The following SLC24A4 variants were observed in gnomAD, a reference collection of about 807,000 sequenced individuals.
SLC24A4 encodes solute carrier family 24 member 4.
A neutral mutation model predicts 79.0 loss-of-function variants in SLC24A4; 53 were observed. The ratio of observed to expected loss-of-function variants is 0.67; its 90% CI spans 0.54 to 0.84. The LOEUF (loss-of-function observed/expected upper bound fraction) is 0.84. Ranked by LOEUF, SLC24A4 falls within the 40% of genes least tolerant of loss-of-function variation. SLC24A4 has a pLI of 0.00. For missense variants in SLC24A4, 731 were observed against 822.0 expected (o/e 0.89, Z 1.35); for synonymous variants, 323 against 323.8 (o/e 1.00, Z 0.03).
rs186682717 is a variant in SLC24A4, at chr14:92,441,388, T to A, written c.394-701T>A. ...GGCAGAACAGGCCCCAACCATGAGT[T>A]CCCGTCCTGTCCCGTGCCAGCTTAA... On this transcript the variant is annotated intron_variant, in intron 4 of 16. Coordinates refer to ENST00000532405, the MANE Select transcript of SLC24A4 (RefSeq NM_153646.4). The surrounding 1 kb of genome is among the most constrained non-coding windows in gnomAD (Gnocchi z 4.6). Among the ~76,000 whole-genome samples, 7 of 152,230 alleles carry A rather than the reference T, an allele frequency of 4.6e-5. No homozygotes were observed. In the East Asian group the frequency reaches 1.3e-3, roughly 29 times the overall value.
chr14:92,492,613 C>G (rs1420807679), intron 16 of SLC24A4, among the ~76,000 whole-genome samples: 1 of 152,180 alleles, frequency 6.6e-6, no homozygotes, highest in Non-Finnish European at 1.5e-5. Context: ...CCTCCCTACC[C>G]TACATGTCCA....
At position 92,490,324 on chromosome 14, in the gene SLC24A4, T is replaced by A. The variant is rs985598513; in HGVS notation, c.1538-1341T>A. On this transcript the variant is annotated intron_variant, in intron 14 of 16. Coordinates refer to ENST00000532405, the MANE Select transcript of SLC24A4 (RefSeq NM_153646.4). The surrounding 1 kb of genome is among the most constrained non-coding windows in gnomAD (Gnocchi z 4.3). ...AGATTCCAGCCAGTACGAGTCTTAC[T>A]TACAAAAGTTTGCTTTCTTAATTAT... 6.6e-6 allele frequency among the ~76,000 whole-genome samples: 1 copy of A among 152,068 alleles called. No individual in the cohort carries two copies.
At chr14:92,483,907 G>T in intron 13 of SLC24A4, 3 of 1,280,928 alleles carry the variant, frequency 2.3e-6, no homozygotes, top group Admixed American at 2.3e-5. Flanking sequence ...GCCAGTAAAC[G>T]TTCCATGCTG....
At chr14:92,473,845 G>A (rs1284657421) in intron 12 of SLC24A4, among the ~76,000 whole-genome samples, 1 of 152,166 alleles carries the variant, frequency 6.6e-6, no homozygotes, top group Non-Finnish European at 1.5e-5. Context: ...GACTCAGTCT[G>A]ATTAGAACTA....
intron 2 of SLC24A4, among the ~76,000 whole-genome samples, chr14:92,410,748 C>T (rs2141790127): frequency 6.6e-6 from 1 of 152,286 alleles, no homozygotes; most frequent in Non-Finnish European, 1.5e-5. Flanking sequence ...GGCCAGACCA[C>T]CAGTAAGTGT....
intron 2 of SLC24A4, among the ~76,000 whole-genome samples, chr14:92,414,450 G>T (rs1890876445): frequency 6.6e-6 from 1 of 152,088 alleles, no homozygotes; most frequent in African/African-American, 2.4e-5. Flanking sequence ...GAAATCCCTA[G>T]AAAAAACTGG....
At chr14:92,430,125 A>G (rs1891781521) in intron 2 of SLC24A4, among the ~76,000 whole-genome samples, 1 of 152,164 alleles carries the variant, frequency 6.6e-6, no homozygotes. Flanking sequence ...GGGATTTCCC[A>G]CCTCAATAAC....
chr14:92,340,113 A>G (rs1398061301), intron 2 of SLC24A4, among the ~76,000 whole-genome samples: 1 of 152,240 alleles, frequency 6.6e-6, no homozygotes, highest in East Asian at 1.9e-4. Flanking sequence ...ACCCCTCTAC[A>G]GGATACTAGT....
chr14:92,330,062 GA>G (rs1885379720), intron 2 of SLC24A4, among the ~76,000 whole-genome samples: 1 of 152,144 alleles, frequency 6.6e-6, no homozygotes, highest in African/African-American at 2.4e-5. Flanking sequence ...GGCAATTTCA[GA>G]ATGAAGTCAG....
intron 2 of SLC24A4, among the ~76,000 whole-genome samples, chr14:92,393,936 A>G (rs1889630522): frequency 6.6e-6 from 1 of 151,940 alleles, no homozygotes; most frequent in Admixed American, 6.5e-5. Flanking sequence ...ACTTGAACCC[A>G]GGAGGTGGAG....
rs1285120331 is a variant in SLC24A4 at position 92,323,890 on chromosome 14, G to T, written c.60G>T (p.Pro20=). Reference sequence around the variant, plus strand: ...TTCGCAGGAGGCGAGAGATGCTGCCGCAGCAAGTCGGCTTCGTGTGCGCGG... The same window carrying T: ...TTCGCAGGAGGCGAGAGATGCTGCCTCAGCAAGTCGGCTTCGTGTGCGCGG... ...LKVRRRREML[P]QQVGFVCAVL... is the part of the protein sequence containing the mutation. The change falls in exon 1 of 17, where the codon CCG becomes CCT. Residue 20 remains proline (P), a synonymous_variant. Coordinates refer to ENST00000532405, the MANE Select transcript of SLC24A4 (RefSeq NM_153646.4). The surrounding 1 kb of genome is among the most constrained non-coding windows in gnomAD (Gnocchi z 4.9). 6.2e-7 allele frequency: 1 copy of T among 1,607,362 alleles called. No individual in the cohort carries two copies.
rs1428051142 is a variant in SLC24A4 at position 92,496,488 on chromosome 14, A to G, written c.*2860A>G. ...TCATTGGGGGCAGAAAAGAAAAAAA[A>G]AACCATTGCACTCAGATGGAAAATG... On this transcript the variant is annotated 3_prime_UTR_variant, in exon 17 of 17. Transcript: ENST00000532405. The G allele has an allele frequency of 6.6e-6, 1 of 152,192 alleles. No homozygotes were observed. The highest frequency in any genetic ancestry group is 1.5e-5 in the Non-Finnish European group (1 of 68,028). 9.4% of individuals were successfully genotyped at this position (152,192 alleles called of 1,614,324 possible).
Position 92,442,074 on chromosome 14 carries a change from T to C in SLC24A4, c.394-15T>C, listed in dbSNP as rs373206692. ...CACGTCACACCCTGAGGGTCTGTGGTCACTTCCGTTTCAGAGACTCCATCT... is the reference window on the plus strand; with the variant it reads ...CACGTCACACCCTGAGGGTCTGTGGCCACTTCCGTTTCAGAGACTCCATCT... On this transcript the variant is annotated splice_polypyrimidine_tract_variant and intron_variant, in intron 4 of 16. Transcript: ENST00000532405. 6.2e-7 allele frequency: 1 copy of C among 1,610,654 alleles called. No individual in the cohort carries two copies. The highest frequency in any genetic ancestry group is 1.7e-5 in the Admixed American group (1 of 59,950).
rs1336385646 is a variant in SLC24A4 at position 92,500,982 on chromosome 14, G to A, written c.*7354G>A. On this transcript the variant is annotated 3_prime_UTR_variant, in exon 17 of 17. Coordinates refer to ENST00000532405, the MANE Select transcript of SLC24A4 (RefSeq NM_153646.4). ...GCCCAAGGGGATGCAGGCTGGGTGT[G>A]GTTTCTGAGGGAACCTACCAAATAG... is the stretch of plus-strand genomic sequence containing the variant. 6.6e-6 allele frequency: 1 copy of A among 152,370 alleles called. No homozygotes were observed. Among genetic ancestry groups the A allele is most frequent in the African/African-American group, 2.4e-5 (1 of 41,564 alleles). 9.4% of individuals were successfully genotyped at this position (152,370 alleles called of 1,614,324 possible).
intron 3 of SLC24A4, among the ~76,000 whole-genome samples, chr14:92,437,839 G>C (rs1442642460): frequency 6.6e-6 from 1 of 152,146 alleles, no homozygotes; most frequent in Non-Finnish European, 1.5e-5. Flanking sequence ...TTCCTTCTTG[G>C]CTGTTAGGGT....
chr14:92,372,914 T>C (rs1888257960), intron 2 of SLC24A4, among the ~76,000 whole-genome samples: 1 of 112,320 alleles, frequency 8.9e-6, no homozygotes, highest in African/African-American at 3.4e-5. Context: ...CCTTCCTTCC[T>C]TCCTTTCTTT....
chr14:92,455,183 C>G (rs768824957), intron 11 of SLC24A4, among the ~76,000 whole-genome samples: 1 of 152,202 alleles, frequency 6.6e-6, no homozygotes, highest in Non-Finnish European at 1.5e-5. Context: ...GGAAGGAATT[C>G]TGAGCTTCAA....
intron 4 of SLC24A4, among the ~76,000 whole-genome samples, chr14:92,440,262 C>T (rs1477133179): frequency 6.6e-6 from 1 of 152,166 alleles, no homozygotes; most frequent in Non-Finnish European, 1.5e-5. Context: ...TACCCCACAT[C>T]CCCTCAGATG....
At chr14:92,445,788 AG>A (rs147463014) in intron 8 of SLC24A4, among the ~76,000 whole-genome samples, 3,103 of 152,338 alleles carry the variant, frequency 0.02, 60 homozygotes, top group Non-Finnish European at 0.033. Context: ...ACCTTATACA[AG>A]GGTAAACTCC....
Sources: gnomAD v4.1 joint callset for allele counts (sites outside exome capture counted in the v4.1 genomes callset) on GRCh38, gnomAD v4.1.1 for gene constraint, Gnocchi (gnomAD v3.1) non-coding constraint, MANE v1.5 for transcripts, NCBI Gene and HGNC (gene_info 2026-07-23, HGNC 2026-07-21) for gene names.